The following SOX5 variants were observed in gnomAD, a reference collection of about 807,000 sequenced individuals.
SOX5 encodes SRY-box transcription factor 5.
In SOX5, 9 loss-of-function variants were observed where a neutral mutation model predicts 92.0. The ratio of observed to expected loss-of-function variants is 0.10; its 90% CI spans 0.06 to 0.17. The LOEUF is 0.17. Among genes scored for constraint, SOX5 ranks in the 10% least tolerant of loss-of-function variants. SOX5 has a pLI of 1.00. For synonymous variants in SOX5, 344 were observed against 336.3 expected (o/e 1.02, Z -0.25); for missense variants, 642 against 944.5 (o/e 0.68, Z 4.20).
At chr12:23,716,300 A>G (rs1377252922) in intron 6 of SOX5, among the ~76,000 whole-genome samples, 4 of 152,212 alleles carry the variant, frequency 2.6e-5, no homozygotes, top group Non-Finnish European at 4.4e-5. Flanking sequence ...AGAAAAAAAG[A>G]GAACTTTGGC....
rs16926433 is a variant in SOX5 at position 23,591,453 on chromosome 12, C to G, written c.1164+12934G>C. 8.7e-3 allele frequency among the ~76,000 whole-genome samples: 1,327 copies of G among 152,118 alleles called. 40 individuals are homozygous for G. Among genetic ancestry groups the G allele is most frequent in the East Asian group, 0.076 (396 of 5,178 alleles). On this transcript the variant is annotated intron_variant, in intron 9 of 14. Coordinates refer to ENST00000451604, the MANE Select transcript of SOX5 (RefSeq NM_006940.6). ...TTCTTCACTTATTTTGTTGTAACTC[C>G]ATAAATTATAGTCCTGGATAGAACA...
chr12:24,113,255 TAAAAAA>T lies in SOX5; in HGVS notation c.-2+100082_-2+100087del, dbSNP rs10717747. On this transcript the variant is annotated intron_variant, in intron 4 of 4. Transcript: ENST00000446891. ...ATACTTGCAAATATATGTAGAATCA[TAAAAAA>T]AAAAAAAAAAAAGAGCTAAAAGTGC... 4.2e-5 allele frequency among the ~76,000 whole-genome samples: 5 copies of T among 118,150 alleles called. No homozygotes were observed. In the South Asian group the frequency reaches 1.3e-3, roughly 30 times the overall value. The allele number at this position is 118,150 out of a possible 152,430, so 77.5% of individuals were successfully genotyped here.
intron 4 of SOX5, among the ~76,000 whole-genome samples, chr12:23,750,578 CAAAT>C: frequency 6.6e-6 from 1 of 151,784 alleles, no homozygotes; most frequent in East Asian, 1.9e-4. Flanking sequence ...TACAAGAAAA[CAAAT>C]AATGTGTTTA....
At chr12:24,072,272 A>G (rs1048627804) in intron 4 of SOX5, among the ~76,000 whole-genome samples, 2 of 152,258 alleles carry the variant, frequency 1.3e-5, no homozygotes, top group African/African-American at 4.8e-5. Context: ...CATTGGCAAG[A>G]TAAGAATTAA....
At chr12:23,874,221 C>G (rs1397903415) in intron 2 of SOX5, among the ~76,000 whole-genome samples, 1 of 152,166 alleles carries the variant, frequency 6.6e-6, no homozygotes, top group African/African-American at 2.4e-5. Context: ...ATTTCCTCAT[C>G]TAAATTCTTA....
intron 2 of SOX5, among the ~76,000 whole-genome samples, chr12:23,880,335 A>G (rs2096974432): frequency 6.6e-6 from 1 of 152,202 alleles, no homozygotes; most frequent in African/African-American, 2.4e-5. Context: ...GGACACCCAT[A>G]TTATGGTATT....
At chr12:23,819,573 C>G (rs1056893192) in intron 3 of SOX5, among the ~76,000 whole-genome samples, 2 of 152,092 alleles carry the variant, frequency 1.3e-5, no homozygotes, top group African/African-American at 4.8e-5. Flanking sequence ...GCTATCCCTC[C>G]CCTAGTCCCC....
chr12:23,640,120 T>C (rs2079847585), intron 8 of SOX5, among the ~76,000 whole-genome samples: 1 of 152,226 alleles, frequency 6.6e-6, no homozygotes, highest in South Asian at 2.1e-4. Flanking sequence ...GGGATGCTGA[T>C]TCAAAAATGT....
At chr12:24,193,574 A>G (rs1197692167) in intron 4 of SOX5, among the ~76,000 whole-genome samples, 1 of 152,232 alleles carries the variant, frequency 6.6e-6, no homozygotes, top group Non-Finnish European at 1.5e-5. Context: ...AGGAATATAA[A>G]TTAATGCTAT....
intron 8 of SOX5, among the ~76,000 whole-genome samples, chr12:23,634,575 T>C (rs1193016725): frequency 6.6e-6 from 1 of 152,082 alleles, no homozygotes; most frequent in Non-Finnish European, 1.5e-5. Context: ...ATAGACTGAG[T>C]AGGTGATGTG....
chr12:23,840,591 G>T (rs904904520), intron 3 of SOX5, among the ~76,000 whole-genome samples: 1 of 152,090 alleles, frequency 6.6e-6, no homozygotes, highest in Non-Finnish European at 1.5e-5. Flanking sequence ...TTATTATCAA[G>T]CTACGGTAAT....
chr12:23,700,956 T>A (rs538711025), intron 6 of SOX5, among the ~76,000 whole-genome samples: 1 of 151,788 alleles, frequency 6.6e-6, no homozygotes, highest in South Asian at 2.1e-4. Context: ...AATATATATG[T>A]GTGTATATAT....
chr12:24,476,995 CAAAAA>C (rs11385447), intron 1 of SOX5, among the ~76,000 whole-genome samples: 9 of 53,640 alleles, frequency 1.7e-4, no homozygotes, highest in Middle Eastern at 0.022. Context: ...AGACCCCTCT[CAAAAA>C]AAAAAAAAAA....
intron 4 of SOX5, among the ~76,000 whole-genome samples, chr12:24,197,569 T>C (rs1957125080): frequency 1.3e-5 from 2 of 151,968 alleles, no homozygotes; most frequent in African/African-American, 4.8e-5. Context: ...TAAATGGAAG[T>C]GGGGGCGGGA....
rs80158367 is a variant in SOX5, at chr12:23,637,059, C to T, written c.1017+3753G>A. Among the ~76,000 whole-genome samples, 775 of 152,230 alleles carry T rather than the reference C, an allele frequency of 5.1e-3. 9 individuals carry two copies. The highest frequency in any genetic ancestry group is 0.018 in the African/African-American group (729 of 41,530). On this transcript the variant is annotated intron_variant, in intron 8 of 14. Coordinates refer to ENST00000451604, the MANE Select transcript of SOX5 (RefSeq NM_006940.6). ...TATTAACTAGTGACATCAGTTGTTACGGCACTTTACATGAGTTAAAATCAT... is the reference window on the plus strand; with the variant it reads ...TATTAACTAGTGACATCAGTTGTTATGGCACTTTACATGAGTTAAAATCAT...
chr12:23,563,175 A>G, intron 11 of SOX5, 83 bp downstream of exon 11: 1 of 1,140,956 alleles, frequency 8.8e-7, no homozygotes, highest in South Asian at 1.5e-5. Context: ...GGATGATAAG[A>G]AGATGGAAAT....
chr12:24,222,301 G>C (rs1282052247), intron 3 of SOX5, among the ~76,000 whole-genome samples: 2 of 152,116 alleles, frequency 1.3e-5, no homozygotes, highest in East Asian at 1.9e-4. Flanking sequence ...GCTTAAAGTA[G>C]GTCAGGGTAG....
At chr12:23,854,842 T>C (rs918852167) in intron 2 of SOX5, among the ~76,000 whole-genome samples, 1 of 152,092 alleles carries the variant, frequency 6.6e-6, no homozygotes, top group Non-Finnish European at 1.5e-5. Context: ...TAGCATCTAA[T>C]ACCTCACTGG....
At chr12:24,365,191 T>C (rs73064476) in intron 2 of SOX5, among the ~76,000 whole-genome samples, 11,140 of 152,176 alleles carry the variant, frequency 0.073, 461 homozygotes, top group African/African-American at 0.097. Flanking sequence ...TTTAACATAT[T>C]TATTCTTCAA....
Sources: allele counts gnomAD v4.1 joint callset (sites outside exome capture counted in the v4.1 genomes callset), GRCh38; gene constraint gnomAD v4.1.1; transcripts MANE v1.5; gene names NCBI Gene and HGNC (gene_info 2026-07-23, HGNC 2026-07-21).